Variants in PCLO observed in about 807,000 individuals in gnomAD.
The protein encoded by PCLO is protein piccolo.
In PCLO, 82 loss-of-function variants were observed where a neutral mutation model predicts 427.5. That is an observed-to-expected ratio of 0.19 (90% CI 0.16 to 0.23). The LOEUF is 0.23. Among genes scored for constraint, PCLO ranks in the 10% least tolerant of loss-of-function variants. PCLO has a pLI of 1.00. For synonymous variants in PCLO, 2,357 were observed against 2,155.4 expected, an observed-to-expected ratio of 1.09 and a Z score of -2.59; for missense variants, 6,239 against 6,115.9, an observed-to-expected ratio of 1.02 and a Z score of -0.67.
Position 82,831,934 on chromosome 7 carries a change from C to T in PCLO, c.14249+3733G>A, listed in dbSNP as rs144158085. On this transcript the variant is annotated intron_variant, in intron 16 of 24. Transcript: ENST00000333891. Reference sequence around the variant, plus strand: ...ACCTAACACAATTTAAAACTCTACACAAAATAGTCATATCAAAATCTGTGG... The same window carrying T: ...ACCTAACACAATTTAAAACTCTACATAAAATAGTCATATCAAAATCTGTGG... Among the ~76,000 whole-genome samples, 294 of 152,208 alleles carry T rather than the reference C, an allele frequency of 1.9e-3. 5 individuals are homozygous for T. Among genetic ancestry groups the T allele is most frequent in the African/African-American group, 6.6e-3 (276 of 41,562 alleles).
chr7:83,154,173 T>C (rs1177663260), intron 2 of PCLO, among the ~76,000 whole-genome samples: 1 of 152,226 alleles, frequency 6.6e-6, no homozygotes, highest in Non-Finnish European at 1.5e-5. Context: ...GTCAGCCATA[T>C]ATTCTGAACC....
At chr7:83,030,709 T>C (rs1227296848) in intron 3 of PCLO, among the ~76,000 whole-genome samples, 1 of 152,098 alleles carries the variant, frequency 6.6e-6, no homozygotes, top group Non-Finnish European at 1.5e-5. Flanking sequence ...AATATAAAAA[T>C]ACTAAATAAA....
intron 6 of PCLO, among the ~76,000 whole-genome samples, chr7:82,924,271 G>C (rs1794662335): frequency 6.6e-6 from 1 of 152,002 alleles, no homozygotes; most frequent in South Asian, 2.1e-4. Flanking sequence ...AATTAATAAG[G>C]ATAGGAATGT....
chr7:83,110,307 T>C (rs1311839172), intron 3 of PCLO, among the ~76,000 whole-genome samples: 2 of 149,042 alleles, frequency 1.3e-5, no homozygotes, highest in South Asian at 2.1e-4. Context: ...TTTACATGCC[T>C]TTTTTTAATA....
chr7:83,099,393 T>TTG (rs1554397067), intron 3 of PCLO, among the ~76,000 whole-genome samples: 3 of 48,504 alleles, frequency 6.2e-5, no homozygotes, highest in African/African-American at 2.4e-4. Flanking sequence ...ATTTTTTTGT[T>TTG]TTTTTTTTTT....
At chr7:83,122,546 A>G (rs766163935) in intron 3 of PCLO, among the ~76,000 whole-genome samples, 4 of 152,026 alleles carry the variant, frequency 2.6e-5, no homozygotes, top group African/African-American at 7.2e-5. Flanking sequence ...TGGGCCTCCC[A>G]AAGTGCTGGG....
intron 10 of PCLO, among the ~76,000 whole-genome samples, chr7:82,877,899 T>C (rs1793412994): frequency 6.6e-6 from 1 of 152,156 alleles, no homozygotes. Flanking sequence ...CTTGAGCTGC[T>C]GGCCTCAAGA....
intron 6 of PCLO, among the ~76,000 whole-genome samples, chr7:82,935,935 A>C (rs1318155961): frequency 6.6e-6 from 1 of 151,702 alleles, no homozygotes; most frequent in Non-Finnish European, 1.5e-5. Flanking sequence ...TGAAGAAAGA[A>C]GGTTCTAATG....
intron 6 of PCLO, among the ~76,000 whole-genome samples, chr7:82,948,126 C>A (rs1795246377): frequency 6.6e-6 from 1 of 151,944 alleles, no homozygotes; most frequent in African/African-American, 2.4e-5. Context: ...ACTTAAAAAT[C>A]ACTTTTCAAC....
rs1161164293 is a variant in PCLO at position 82,966,376 on chromosome 7, G to A, written c.3412C>T (p.Pro1138Ser). The change falls in exon 4 of 25, where the codon CCT becomes TCT. Residue 1138 changes from proline to serine, a missense_variant. Around this residue, in one of 5 missense-constraint regions of PCLO, gnomAD observed 4,677 missense variants for 4,468.4 expected, o/e 1.05. Coordinates refer to ENST00000333891, the MANE Select transcript of PCLO (RefSeq NM_033026.6). Reference protein sequence around the residue: ...APSGPKASPMPVPTESSSQKT... With the variant: ...APSGPKASPMSVPTESSSQKT... ...TGAGATGATGATTCTGTAGGAACAG[G>A]CATAGGAGATGCTTTGGGTCCTGAT... 1.2e-6 allele frequency: 2 copies of A among 1,613,560 alleles called. No individual in the cohort carries two copies. The highest frequency in any genetic ancestry group is 1.7e-6 in the Non-Finnish European group (2 of 1,179,696).
chr7:82,945,223 G>C (rs1268246992), intron 6 of PCLO, among the ~76,000 whole-genome samples: 1 of 151,986 alleles, frequency 6.6e-6, no homozygotes, highest in East Asian at 1.9e-4. Context: ...GAGTAAGTAG[G>C]CTGCAAGATA....
intron 2 of PCLO, among the ~76,000 whole-genome samples, chr7:83,151,175 C>T (rs948878731): frequency 1.3e-5 from 2 of 152,038 alleles, no homozygotes; most frequent in African/African-American, 4.8e-5. Context: ...AGAATTAGAC[C>T]TTTTGATTGC....
intron 9 of PCLO, among the ~76,000 whole-genome samples, chr7:82,897,114 C>G (rs2116160511): frequency 6.6e-6 from 1 of 151,588 alleles, no homozygotes; most frequent in Non-Finnish European, 1.5e-5. Flanking sequence ...GTTGAGCATA[C>G]AGTAAGTACA....
At chr7:82,879,567 A>G in intron 9 of PCLO, 105 bp from the exon 10 acceptor site, 1 of 728,200 alleles carries the variant, frequency 1.4e-6, no homozygotes, top group Non-Finnish European at 2.2e-6. Flanking sequence ...CAGAAGCTAA[A>G]TATAACATGA....
At chr7:83,097,308 G>A (rs74834039) in intron 3 of PCLO, among the ~76,000 whole-genome samples, 59,223 of 132,670 alleles carry the variant, frequency 0.45, 14,292 homozygotes, top group East Asian at 0.72. Context: ...GGATCACGAG[G>A]TCAGGAGATC....
intron 9 of PCLO, among the ~76,000 whole-genome samples, chr7:82,892,248 G>A (rs7800315): frequency 0.039 from 5,966 of 151,924 alleles, 404 homozygotes; most frequent in African/African-American, 0.14. Flanking sequence ...AATGTAACAG[G>A]ACAGAGCCCT....
chr7:83,153,590 G>C (rs985082799), intron 2 of PCLO, among the ~76,000 whole-genome samples: 1 of 152,180 alleles, frequency 6.6e-6, no homozygotes, highest in African/African-American at 2.4e-5. Context: ...GCTGTTTGCA[G>C]ATGTAATGCA....
rs1247288980 is a variant in PCLO, at chr7:82,756,374, C to T, written c.*2201G>A. On this transcript the variant is annotated 3_prime_UTR_variant, in exon 25 of 25. Coordinates refer to ENST00000333891, the MANE Select transcript of PCLO (RefSeq NM_033026.6). Reference sequence around the variant, plus strand: ...ATAGTTTCTAAAAATAAAATACTAGCAATATAATGTCTTTGATGATTCCAC... The same window carrying T: ...ATAGTTTCTAAAAATAAAATACTAGTAATATAATGTCTTTGATGATTCCAC... 6.6e-6 allele frequency: 1 copy of T among 151,890 alleles called. No individual in the cohort carries two copies. The highest frequency in any genetic ancestry group is 1.5e-5 in the Non-Finnish European group (1 of 67,982). The allele number at this position is 151,890 out of a possible 1,614,324, so 9.4% of individuals were successfully genotyped here.
chr7:82,864,965 T>G (rs1456894072), intron 10 of PCLO, among the ~76,000 whole-genome samples: 1 of 152,190 alleles, frequency 6.6e-6, no homozygotes, highest in African/African-American at 2.4e-5. Context: ...TTCCACAGTT[T>G]ATTAATGCAA....
Sources: allele counts gnomAD v4.1 joint callset (sites outside exome capture counted in the v4.1 genomes callset), GRCh38; gene constraint gnomAD v4.1.1; regional missense constraint gnomAD v4.1.1; transcripts MANE v1.5; gene names NCBI Gene and HGNC (gene_info 2026-07-23, HGNC 2026-07-21).